The following PTPRD variants were observed in gnomAD, a reference collection of about 807,000 sequenced individuals.
The protein encoded by PTPRD is receptor-type tyrosine-protein phosphatase delta.
A neutral mutation model predicts 214.5 loss-of-function variants in PTPRD; 34 were observed. The observed-to-expected ratio is 0.16, with a 90% CI of 0.12 to 0.21. PTPRD has a LOEUF of 0.21. Among genes scored for constraint, PTPRD ranks in the 10% least tolerant of loss-of-function variants. The pLI, the probability that PTPRD is intolerant of heterozygous loss-of-function variation, is 1.00. For missense variants in PTPRD, 2,545 were observed against 2,398.7 expected (o/e 1.06, Z -1.27); for synonymous variants, 1,128 against 845.7 (o/e 1.33, Z -5.79).
At chr9:9,087,878 CTTTT>C (rs59824704) in intron 10 of PTPRD, among the ~76,000 whole-genome samples, 2 of 68,640 alleles carry the variant, frequency 2.9e-5, no homozygotes, top group African/African-American at 1.2e-4. Context: ...GCCCTAAACT[CTTTT>C]TTTTTTTTTT....
chr9:8,689,591 A>C (rs2097761847), intron 12 of PTPRD, among the ~76,000 whole-genome samples: 1 of 152,174 alleles, frequency 6.6e-6, no homozygotes, highest in Admixed American at 6.5e-5. Context: ...CACTACCATG[A>C]GAATAGTATG....
At chr9:9,898,590 A>G (rs2075637444) in intron 5 of PTPRD, among the ~76,000 whole-genome samples, 1 of 152,140 alleles carries the variant, frequency 6.6e-6, no homozygotes, top group Non-Finnish European at 1.5e-5. Flanking sequence ...GGTTAGAGAC[A>G]GAAGTCACAA....
intron 3 of PTPRD, among the ~76,000 whole-genome samples, chr9:10,307,671 C>G (rs1426486670): frequency 6.6e-6 from 1 of 152,014 alleles, no homozygotes; most frequent in Non-Finnish European, 1.5e-5. Flanking sequence ...TTCTCACCAA[C>G]AGTGTATAAC....
intron 3 of PTPRD, among the ~76,000 whole-genome samples, chr9:10,058,248 T>G (rs1057054730): frequency 5.3e-5 from 8 of 152,098 alleles, no homozygotes; most frequent in African/African-American, 1.9e-4. Context: ...TAAAACTGCT[T>G]GATATTAACA....
At chr9:9,667,396 G>A (rs1046754353) in intron 7 of PTPRD, among the ~76,000 whole-genome samples, 1 of 152,002 alleles carries the variant, frequency 6.6e-6, no homozygotes, top group African/African-American at 2.4e-5. Flanking sequence ...AGGCCTATGC[G>A]TATTGTGATC....
At chr9:8,594,548 C>T (rs1461630956) in intron 14 of PTPRD, among the ~76,000 whole-genome samples, 2 of 152,020 alleles carry the variant, frequency 1.3e-5, no homozygotes, top group East Asian at 1.9e-4. Flanking sequence ...CCCCACATGT[C>T]GAGGGAGGGA....
At chr9:9,744,164 C>T (rs188526963) in intron 6 of PTPRD, among the ~76,000 whole-genome samples, 1 of 152,144 alleles carries the variant, frequency 6.6e-6, no homozygotes, top group Admixed American at 6.5e-5. Context: ...TTCAACCTTC[C>T]AAATGATCAC....
chr9:8,991,243 T>TTGA (rs916154930), intron 11 of PTPRD, among the ~76,000 whole-genome samples: 5 of 150,114 alleles, frequency 3.3e-5, no homozygotes, highest in South Asian at 2.1e-4. Flanking sequence ...AAAAAGTTGG[T>TTGA]TGATAGTTTT....
intron 7 of PTPRD, among the ~76,000 whole-genome samples, chr9:9,656,347 CT>C (rs1219809319): frequency 9.9e-5 from 15 of 152,146 alleles, no homozygotes; most frequent in Non-Finnish European, 2.1e-4. Flanking sequence ...ATTGTCAAAA[CT>C]TGGAAACTCC....
In PTPRD at chr9:10,246,225, C is replaced by A. The variant is rs548161582; in HGVS notation, c.-545+94738G>T. Among the ~76,000 whole-genome samples the A allele has an allele frequency of 5.9e-5, 9 of 151,990 alleles. No individual in the cohort carries two copies. The South Asian group carries it at 1.7e-3, about 28-fold the overall frequency. On this transcript the variant is annotated intron_variant, in intron 3 of 45. Transcript: ENST00000381196. ...GTATTCATAAAGTGAAACATTAGTA[C>A]CAACTCGATTGGCTATTTTTGTTTT...
intron 2 of PTPRD, among the ~76,000 whole-genome samples, chr9:10,468,063 T>C (rs980759451): frequency 4.6e-5 from 7 of 152,136 alleles, no homozygotes; most frequent in African/African-American, 1.7e-4. Context: ...GGAGTGTAAA[T>C]TAGTTCAACC....
chr9:9,768,878 C>T (rs930393306), intron 5 of PTPRD, among the ~76,000 whole-genome samples: 2 of 152,094 alleles, frequency 1.3e-5, no homozygotes, highest in Non-Finnish European at 2.9e-5. Flanking sequence ...AAAGAGTAAA[C>T]AGACAAACTT....
At chr9:9,862,820 A>G (rs2063080921) in intron 5 of PTPRD, among the ~76,000 whole-genome samples, 1 of 152,124 alleles carries the variant, frequency 6.6e-6, no homozygotes, top group Non-Finnish European at 1.5e-5. Context: ...ATTTTCTAAG[A>G]TGCTTCTATT....
chr9:8,585,522 G>A (rs1198592595), intron 14 of PTPRD, among the ~76,000 whole-genome samples: 1 of 152,148 alleles, frequency 6.6e-6, no homozygotes, highest in Admixed American at 6.5e-5. Context: ...AAGAATTGGT[G>A]GGATTTAATT....
In PTPRD at chr9:8,525,020, T is replaced by C. The variant is rs1184409919; in HGVS notation, c.584A>G (p.Glu195Gly). Residue 195 changes from glutamate (E) to glycine (G), a missense_variant, in exon 18 of 46, where the codon GAG (glutamate) becomes GGG (glycine). Glu to Gly is a moderately conservative substitution (Grantham distance 98). Transcript: ENST00000381196. ...GTPIRGALQI[E>G]QSEESDQGKY... ...TCCTTGGTCAGACTCTTCACTCTGC[T>C]CAATCTGAAGGGCTCCTGTATGGAT... 1 of 1,613,400 alleles carries C rather than the reference T, an allele frequency of 6.2e-7. No homozygotes were observed.
At chr9:8,392,781 AAG>A (rs1385452719) in intron 36 of PTPRD, among the ~76,000 whole-genome samples, 29 of 152,136 alleles carry the variant, frequency 1.9e-4, no homozygotes, top group Admixed American at 1.3e-3. Flanking sequence ...ATGTGGAGAT[AAG>A]AGAGATGGCT....
chr9:8,878,602 A>G (rs1028182560), intron 11 of PTPRD, among the ~76,000 whole-genome samples: 5 of 151,950 alleles, frequency 3.3e-5, no homozygotes, highest in African/African-American at 1.2e-4. Flanking sequence ...TCAATAGCTC[A>G]TCGTGGTCTC....
At chr9:10,553,227 A>G (rs2061737812) in intron 2 of PTPRD, among the ~76,000 whole-genome samples, 1 of 152,224 alleles carries the variant, frequency 6.6e-6, no homozygotes, top group South Asian at 2.1e-4. Flanking sequence ...TGCATGTGGA[A>G]GATCATTTAT....
chr9:8,515,987 C>T (rs10124872), intron 21 of PTPRD, among the ~76,000 whole-genome samples: 2 of 151,876 alleles, frequency 1.3e-5, no homozygotes, highest in Admixed American at 1.3e-4. Flanking sequence ...AAAGCTTGGG[C>T]TTCAAACCCT....
Sources: allele counts gnomAD v4.1 joint callset (sites outside exome capture counted in the v4.1 genomes callset), GRCh38; gene constraint gnomAD v4.1.1; transcripts MANE v1.5; gene names NCBI Gene and HGNC (gene_info 2026-07-23, HGNC 2026-07-21).